SYT1: variants seen among roughly 807,000 people sequenced by gnomAD.
SYT1 encodes the protein synaptotagmin 1.
Under a neutral mutation model 44.8 loss-of-function variants are expected in SYT1, and 8 were observed. The observed-to-expected ratio is 0.18, with a 90% CI of 0.10 to 0.32. The LOEUF (loss-of-function observed/expected upper bound fraction) is 0.32, where lower values mean the gene tolerates loss of function less well. Ranked by LOEUF, SYT1 falls within the 10% of genes least tolerant of loss-of-function variation. The probability of loss-of-function intolerance (pLI) is 1.00; values close to 1 mark genes in which losing one functional copy is unlikely to be tolerated. For synonymous variants in SYT1, 154 were observed against 188.8 expected (o/e 0.82, Z 1.51); for missense variants, 286 against 509.3 (o/e 0.56, Z 4.22).
intron 1 of SYT1, among the ~76,000 whole-genome samples, chr12:78,882,742 C>T (rs1194374397): frequency 1.3e-5 from 2 of 151,656 alleles, no homozygotes; most frequent in African/African-American, 2.4e-5. Flanking sequence ...ACTGATGAGA[C>T]TAAATTTAGT....
chr12:79,008,193 A>G (rs1871209822), intron 2 of SYT1, among the ~76,000 whole-genome samples: 1 of 152,034 alleles, frequency 6.6e-6, no homozygotes, highest in South Asian at 2.1e-4. Context: ...CTAAAGAATA[A>G]CAACCATCCT....
At chr12:79,094,442 A>G (rs75411783) in intron 3 of SYT1, among the ~76,000 whole-genome samples, 5,241 of 151,932 alleles carry the variant, frequency 0.034, 175 homozygotes, top group South Asian at 0.11. Context: ...TTCTTCCAAG[A>G]AATTTTATCC....
chr12:79,348,576 A>AG (rs1882707562), intron 8 of SYT1, among the ~76,000 whole-genome samples: 1 of 152,252 alleles, frequency 6.6e-6, no homozygotes, highest in Admixed American at 6.5e-5. Context: ...AGTCAGGAAG[A>AG]GGGGTTCAGA....
At chr12:79,236,950 C>T (rs1029267849) in intron 4 of SYT1, among the ~76,000 whole-genome samples, 26 of 152,220 alleles carry the variant, frequency 1.7e-4, no homozygotes, top group Admixed American at 1.4e-3. Context: ...AAAGATGAGC[C>T]AGGAACCATT....
chr12:79,374,296 G>A (rs540202101), intron 9 of SYT1, among the ~76,000 whole-genome samples: 2 of 152,210 alleles, frequency 1.3e-5, no homozygotes, highest in South Asian at 4.2e-4. Flanking sequence ...CTGGAGATCA[G>A]AGAAACTAAA....
intron 4 of SYT1, among the ~76,000 whole-genome samples, chr12:79,285,382 T>C (rs1247882362): frequency 5.3e-5 from 8 of 152,162 alleles, no homozygotes; most frequent in Non-Finnish European, 1.2e-4. Flanking sequence ...TTATTTCCAC[T>C]TTAGAGATGA....
chr12:79,038,591 A>G (rs1873300744), intron 2 of SYT1, among the ~76,000 whole-genome samples: 1 of 151,924 alleles, frequency 6.6e-6, no homozygotes, highest in South Asian at 2.1e-4. Flanking sequence ...TGTGCTGAGG[A>G]TATCTGTGCA....
chr12:79,148,420 G>A lies in SYT1; in HGVS notation c.-17-69083G>A, dbSNP rs543566038. 1.1e-3 allele frequency among the ~76,000 whole-genome samples: 173 copies of A among 152,120 alleles called. 1 individual carries two copies. Among genetic ancestry groups the A allele is most frequent in the African/African-American group, 4.1e-3 (169 of 41,516 alleles). ...AATTCCAATGTTAAATTGCTATCTGGTCTTGAAATTGACACTTTTAATTTC... is the reference window on the plus strand; with the variant it reads ...AATTCCAATGTTAAATTGCTATCTGATCTTGAAATTGACACTTTTAATTTC... On this transcript the variant is annotated intron_variant, in intron 3 of 10. Transcript: ENST00000261205.
intron 3 of SYT1, among the ~76,000 whole-genome samples, chr12:79,090,404 G>A (rs543423685): frequency 6.6e-5 from 10 of 151,774 alleles, no homozygotes; most frequent in East Asian, 2.0e-4. Context: ...TTGCTCTTTC[G>A]TATCTTCCCT....
chr12:79,060,028 T>C (rs1255215468), intron 3 of SYT1, among the ~76,000 whole-genome samples: 5 of 152,134 alleles, frequency 3.3e-5, no homozygotes, highest in Non-Finnish European at 7.4e-5. Context: ...ACTGAAATAA[T>C]ATCTGATGAA....
chr12:79,100,678 T>C (rs545637490), intron 3 of SYT1, among the ~76,000 whole-genome samples: 13 of 152,214 alleles, frequency 8.5e-5, no homozygotes, highest in Non-Finnish European at 1.9e-4. Context: ...TGAATGATCA[T>C]GTATTGCTCT....
At chr12:78,902,388 A>G (rs1875716181) in intron 1 of SYT1, among the ~76,000 whole-genome samples, 2 of 152,110 alleles carry the variant, frequency 1.3e-5, no homozygotes, top group East Asian at 1.9e-4. Context: ...CATGAAGTGT[A>G]TCTTAGGGAC....
At chr12:78,885,351 GGAAC>G (rs1874683755) in intron 1 of SYT1, among the ~76,000 whole-genome samples, 1 of 146,848 alleles carries the variant, frequency 6.8e-6, no homozygotes, top group Non-Finnish European at 1.5e-5. Context: ...AAGGAAGGAA[GGAAC>G]GAAGGAAGGA....
intron 1 of SYT1, among the ~76,000 whole-genome samples, chr12:78,903,946 CAT>C (rs1555179094): frequency 6.6e-6 from 1 of 151,822 alleles, no homozygotes; most frequent in Non-Finnish European, 1.5e-5. Flanking sequence ...TAAAAAATCA[CAT>C]ATTATTAAAG....
At chr12:79,442,507 C>T (rs1008377895) in intron 9 of SYT1, among the ~76,000 whole-genome samples, 1 of 152,052 alleles carries the variant, frequency 6.6e-6, no homozygotes, top group African/African-American at 2.4e-5. Context: ...TTAAAAAAAT[C>T]TCCTAACAAC....
At chr12:78,972,174 T>G (rs1406713863) in intron 1 of SYT1, among the ~76,000 whole-genome samples, 1 of 152,072 alleles carries the variant, frequency 6.6e-6, no homozygotes, top group Admixed American at 6.6e-5. Flanking sequence ...CTTTGACCTT[T>G]TAAACTAAGA....
intron 3 of SYT1, among the ~76,000 whole-genome samples, chr12:79,091,951 AT>A (rs765194223): frequency 6.6e-6 from 1 of 152,000 alleles, no homozygotes; most frequent in Non-Finnish European, 1.5e-5. Context: ...CTCATTTTCA[AT>A]TTTGCTTTGC....
chr12:79,272,026 T>G (rs1878453447), intron 4 of SYT1, among the ~76,000 whole-genome samples: 1 of 152,206 alleles, frequency 6.6e-6, no homozygotes, highest in Non-Finnish European at 1.5e-5. Context: ...AACAGATGTA[T>G]CCGATATTTT....
At chr12:78,921,223 A>C (rs1876977822) in intron 1 of SYT1, among the ~76,000 whole-genome samples, 1 of 151,994 alleles carries the variant, frequency 6.6e-6, no homozygotes, top group South Asian at 2.1e-4. Context: ...AATACTTTAG[A>C]GTAGAAATTT....
Sources: gnomAD v4.1 joint callset for allele counts (sites outside exome capture counted in the v4.1 genomes callset) on GRCh38, gnomAD v4.1.1 for gene constraint, MANE v1.5 for transcripts, NCBI Gene and HGNC (gene_info 2026-07-23, HGNC 2026-07-21) for gene names.